The following THEM4 variants were observed in gnomAD, a reference collection of about 807,000 sequenced individuals.
THEM4 encodes acyl-coenzyme A thioesterase THEM4.
THEM4 carries 22 observed loss-of-function variants against 25.0 expected under a neutral mutation model. The observed-to-expected ratio is 0.88, with a 90% CI of 0.63 to 1.26. The LOEUF is 1.26. Ranked by LOEUF, THEM4 falls within the 50% of genes most tolerant of loss-of-function variation. The probability of loss-of-function intolerance (pLI) is 0.00; values close to 1 mark genes in which losing one functional copy is unlikely to be tolerated. For missense variants in THEM4, 286 were observed against 300.3 expected (o/e 0.95, Z 0.35); for synonymous variants, 113 against 105.6 (o/e 1.07, Z -0.43).
At chr1:151,885,221 C>T (rs1421512978) in intron 4 of THEM4, among the ~76,000 whole-genome samples, 2 of 151,814 alleles carry the variant, frequency 1.3e-5, no homozygotes, top group Non-Finnish European at 2.9e-5. Flanking sequence ...CAGGTTCAAG[C>T]GATTCTTCTG....
At chr1:151,894,522 T>C (rs1171238991) in intron 2 of THEM4, among the ~76,000 whole-genome samples, 1 of 152,162 alleles carries the variant, frequency 6.6e-6, no homozygotes, top group Non-Finnish European at 1.5e-5. Context: ...AAAATTATAA[T>C]GCTAAAAAAG....
chr1:151,905,746 AG>A (rs1654445017), intron 1 of THEM4, among the ~76,000 whole-genome samples: 1 of 152,178 alleles, frequency 6.6e-6, no homozygotes, highest in African/African-American at 2.4e-5. Flanking sequence ...AAGTTTTATG[AG>A]TTTATAGATT....
At chr1:151,876,901 CT>C (rs935391777) in intron 5 of THEM4, 99 bp downstream of exon 5, 21 of 1,442,092 alleles carry the variant, frequency 1.5e-5, no homozygotes, top group South Asian at 8.8e-5. Flanking sequence ...AAACACCCCC[CT>C]GACCCCCACA....
At chr1:151,904,058 G>A (rs1043652295) in intron 1 of THEM4, among the ~76,000 whole-genome samples, 1 of 152,198 alleles carries the variant, frequency 6.6e-6, no homozygotes, top group African/African-American at 2.4e-5. Flanking sequence ...ATGACTTTCA[G>A]GGAAAACTTT....
chr1:151,900,073 G>A (rs1048007888), intron 1 of THEM4, among the ~76,000 whole-genome samples: 4 of 152,092 alleles, frequency 2.6e-5, no homozygotes, highest in African/African-American at 7.2e-5. Context: ...ATATATGAAC[G>A]AAAGATACAG....
intron 1 of THEM4, 86 bp downstream of exon 1, chr1:151,909,274 G>T: frequency 8.7e-7 from 1 of 1,144,132 alleles, no homozygotes; most frequent in Non-Finnish European, 1.2e-6. Flanking sequence ...GCTGGTTGGG[G>T]TATGGATAAC....
intron 1 of THEM4, among the ~76,000 whole-genome samples, chr1:151,907,920 C>A (rs1572086078): frequency 6.6e-6 from 1 of 152,156 alleles, no homozygotes; most frequent in African/African-American, 2.4e-5. Context: ...AGTAGCCACA[C>A]AGGGCATAAA....
In THEM4 at chr1:151,874,931, A is replaced by G; in HGVS notation, c.683-3T>C. ...AGGATTCAGCTTTATAAATAAGCCTAAACAAACAAAATAACAGCAGATGAT... is the reference window on the plus strand; with the variant it reads ...AGGATTCAGCTTTATAAATAAGCCTGAACAAACAAAATAACAGCAGATGAT... On this transcript the variant is annotated splice_region_variant and splice_polypyrimidine_tract_variant and intron_variant, in intron 5 of 5. Coordinates refer to ENST00000368814, the MANE Select transcript of THEM4 (RefSeq NM_053055.5). 2 of 1,612,482 alleles carry G rather than the reference A, an allele frequency of 1.2e-6. No homozygotes were observed. Among genetic ancestry groups the G allele is most frequent in the East Asian group, 2.2e-5 (1 of 44,880 alleles).
intron 5 of THEM4, among the ~76,000 whole-genome samples, chr1:151,876,407 A>G (rs553256714): frequency 2.0e-5 from 3 of 152,068 alleles, no homozygotes; most frequent in African/African-American, 7.2e-5. Context: ...TACCTGTGAG[A>G]TAAAGTCCTG....
chr1:151,884,115 G>GTAAATA (rs1375581301), intron 4 of THEM4, among the ~76,000 whole-genome samples: 113 of 135,544 alleles, frequency 8.3e-4, no homozygotes, highest in African/African-American at 2.9e-3. Context: ...ATAAATAAAG[G>GTAAATA]AAGGAAGGAA....
chr1:151,893,875 G>A (rs377222404), intron 2 of THEM4, among the ~76,000 whole-genome samples: 2 of 151,420 alleles, frequency 1.3e-5, no homozygotes, highest in South Asian at 2.1e-4. Flanking sequence ...TTTTTTGTAG[G>A]GGGGGAGACA....
intron 3 of THEM4, among the ~76,000 whole-genome samples, chr1:151,888,937 C>T (rs1007380257): frequency 1.3e-5 from 2 of 152,028 alleles, no homozygotes; most frequent in Non-Finnish European, 2.9e-5. Context: ...TAGTCAGTGA[C>T]AAGCCACTGT....
chr1:151,887,972 T>C (rs922765494), intron 4 of THEM4, among the ~76,000 whole-genome samples: 1 of 152,168 alleles, frequency 6.6e-6, no homozygotes, highest in Non-Finnish European at 1.5e-5. Flanking sequence ...GACCAATACA[T>C]GCGAGAGTAT....
rs1002915648 is a variant in THEM4, at chr1:151,893,709, C to T, written c.286+1299G>A. On this transcript the variant is annotated intron_variant, in intron 2 of 5. Transcript: ENST00000368814. Reference sequence around the variant, plus strand: ...TATTTTCTCTTAGTGAGATAGGAAGCGAGACCAACTGAGGGTGAGAAGGGA... The same window carrying T: ...TATTTTCTCTTAGTGAGATAGGAAGTGAGACCAACTGAGGGTGAGAAGGGA... Among the ~76,000 whole-genome samples the T allele has an allele frequency of 4.6e-5, 7 of 151,702 alleles. No homozygotes were observed. In the East Asian group the frequency reaches 5.8e-4, roughly 13 times the overall value.
chr1:151,888,412 G>C, intron 3 of THEM4, 29 bp from the exon 4 acceptor site: 3 of 1,534,444 alleles, frequency 2.0e-6, no homozygotes, highest in Middle Eastern at 3.4e-4. Flanking sequence ...GAGGAGAAAT[G>C]TTTTCAGAAG....
chr1:151,888,347 A>G lies in THEM4; in HGVS notation c.483T>C (p.Asp161=), dbSNP rs142820328. 5.0e-6 allele frequency: 8 copies of G among 1,613,426 alleles called. No individual in the cohort carries two copies. In the African/African-American group the frequency reaches 6.7e-5, roughly 13 times the overall value. The part of the protein sequence containing the change: ...IHGGAIATMI[D]ATVGMCAMMA... ...TCATTGCACACATACCAACAGTAGC[A>G]TCAATCATGGTTGCAATGGCACCTC... The change falls in exon 4 of 6, where the codon GAT becomes GAC. Residue 161 remains aspartate (D), a synonymous_variant. Coordinates refer to ENST00000368814, the MANE Select transcript of THEM4 (RefSeq NM_053055.5).
intron 4 of THEM4, among the ~76,000 whole-genome samples, chr1:151,883,476 G>A (rs1487448411): frequency 3.3e-5 from 5 of 151,962 alleles, no homozygotes; most frequent in Admixed American, 3.3e-4. Flanking sequence ...ACAGCATGGG[G>A]GAAACTGCCC....
At chr1:151,893,235 G>C (rs1440408524) in intron 2 of THEM4, among the ~76,000 whole-genome samples, 2 of 151,882 alleles carry the variant, frequency 1.3e-5, no homozygotes, top group African/African-American at 4.8e-5. Context: ...AGCTGGGTGT[G>C]GTGGCATGCA....
At chr1:151,877,371 G>A (rs191849824) in intron 4 of THEM4, among the ~76,000 whole-genome samples, 1 of 152,264 alleles carries the variant, frequency 6.6e-6, no homozygotes, top group East Asian at 1.9e-4. Flanking sequence ...CTCTGGGCTT[G>A]TTTCAAAGGG....
Sources: allele counts gnomAD v4.1 joint callset (sites outside exome capture counted in the v4.1 genomes callset), GRCh38; gene constraint gnomAD v4.1.1; transcripts MANE v1.5; gene names NCBI Gene and HGNC (gene_info 2026-07-23, HGNC 2026-07-21).